ADAMTSL1: variants seen among roughly 807,000 people sequenced by gnomAD.
ADAMTSL1 encodes ADAMTS like 1, also known as ADAMTS-like protein 1.
ADAMTSL1 carries 126 observed loss-of-function variants against 201.8 expected under a neutral mutation model. The ratio of observed to expected loss-of-function variants is 0.62; its 90% CI spans 0.54 to 0.72. ADAMTSL1 has a LOEUF of 0.72. ADAMTSL1 is among the 30% of genes least tolerant of loss of function. The pLI is 0.00. For synonymous variants in ADAMTSL1, 1,121 were observed against 903.4 expected, an observed-to-expected ratio of 1.24 and a Z score of -4.32; for missense variants, 2,679 against 2,277.8, an observed-to-expected ratio of 1.18 and a Z score of -3.59.
At chr9:18,016,236 T>C (rs1329931) in intron 1 of ADAMTSL1, among the ~76,000 whole-genome samples, 42,604 of 151,936 alleles carry the variant, frequency 0.28, 6,040 homozygotes, top group South Asian at 0.3. Context: ...AGGACTCAAG[T>C]ATCTGTGAAT....
intron 1 of ADAMTSL1, among the ~76,000 whole-genome samples, chr9:18,159,285 C>A (rs1291050729): frequency 1.3e-5 from 2 of 151,972 alleles, no homozygotes; most frequent in Non-Finnish European, 2.9e-5. Flanking sequence ...CACTACTCTT[C>A]CTAAGTAATG....
At chr9:18,547,808 T>G (rs986837994) in intron 3 of ADAMTSL1, among the ~76,000 whole-genome samples, 2 of 151,774 alleles carry the variant, frequency 1.3e-5, no homozygotes, top group African/African-American at 4.8e-5. Context: ...CATTATGGAT[T>G]AAAACCCAAA....
At chr9:18,887,644 C>G (rs962341202) in intron 23 of ADAMTSL1, among the ~76,000 whole-genome samples, 187 bp from the exon 24 acceptor site, 1 of 152,090 alleles carries the variant, frequency 6.6e-6, no homozygotes, top group African/African-American at 2.4e-5. Flanking sequence ...ATCATAGTCA[C>G]CCTCCTAGAA....
rs186966872 is a variant in ADAMTSL1 at position 18,574,194 on chromosome 9, A to G, written c.402A>G (p.Leu134=). The change falls in exon 4 of 29, where the codon CTA becomes CTG. Residue 134 remains leucine, a synonymous_variant. Transcript: ENST00000380548. ...QAKGTTLVVE[L]APKVLDGTRC... ...AAGGAACAACCCTGGTTGTTGAACT[A>G]GCACCTAAGGTCTTAGATGGTACGC... is the stretch of plus-strand genomic sequence containing the variant. 1.2e-6 allele frequency: 2 copies of G among 1,614,194 alleles called. No individual in the cohort carries two copies. Among genetic ancestry groups the G allele is most frequent in the East Asian group, 2.2e-5 (1 of 44,878 alleles).
At chr9:18,181,087 A>C (rs1587246936) in intron 2 of ADAMTSL1, among the ~76,000 whole-genome samples, 1 of 152,352 alleles carries the variant, frequency 6.6e-6, no homozygotes, top group East Asian at 1.9e-4. Context: ...AGCCATATGT[A>C]GAAAGCTGAA....
At chr9:18,200,658 C>A (rs1481970652) in intron 2 of ADAMTSL1, among the ~76,000 whole-genome samples, 3 of 151,792 alleles carry the variant, frequency 2.0e-5, no homozygotes, top group Non-Finnish European at 2.9e-5. Flanking sequence ...TTAGGGAAAC[C>A]TTGTGACGTA....
intron 3 of ADAMTSL1, among the ~76,000 whole-genome samples, chr9:18,542,264 G>GA (rs1046007269): frequency 2.0e-5 from 3 of 151,738 alleles, no homozygotes; most frequent in African/African-American, 7.3e-5. Context: ...TTGAAACAAA[G>GA]AAAAAAAATA....
intron 2 of ADAMTSL1, among the ~76,000 whole-genome samples, chr9:18,210,125 A>G (rs1282703903): frequency 6.6e-6 from 1 of 151,952 alleles, no homozygotes; most frequent in East Asian, 1.9e-4. Context: ...TCTTAACATA[A>G]TCACAACCAG....
Position 18,775,901 on chromosome 9 carries a change from G to T in ADAMTSL1, c.2551+5G>T. 1 of 1,586,994 alleles carries T rather than the reference G, an allele frequency of 6.3e-7. No homozygotes were observed. The highest frequency in any genetic ancestry group is 8.6e-7 in the Non-Finnish European group (1 of 1,165,656). On this transcript the variant is annotated splice_donor_5th_base_variant and intron_variant, in intron 18 of 28. Coordinates refer to ENST00000380548, the MANE Select transcript of ADAMTSL1 (RefSeq NM_001040272.6). ...GTATGCTGGCAACCTGTGCAAGTAA[G>T]TATGTCAGGGCTCTGGGAATGGGGA...
chr9:18,501,503 C>CAAAAAA (rs397894789), intron 1 of ADAMTSL1, among the ~76,000 whole-genome samples: 1 of 93,074 alleles, frequency 1.1e-5, no homozygotes, highest in Non-Finnish European at 2.1e-5. Context: ...GACACGGTCT[C>CAAAAAA]AAAAAAAAAA....
Position 18,886,174 on chromosome 9 carries a change from A to G in ADAMTSL1, c.4250-1657A>G, listed in dbSNP as rs1239244688. ...CATGTGAGTGTGTATGTGTATATAT[A>G]TATATATATATATATATATATATAT... On this transcript the variant is annotated intron_variant, in intron 23 of 28. Transcript: ENST00000380548. Among the ~76,000 whole-genome samples the G allele has an allele frequency of 9.1e-3, 824 of 90,428 alleles. 14 individuals carry two copies. Among genetic ancestry groups the G allele is most frequent in the African/African-American group, 0.013 (172 of 13,080 alleles). The allele number at this position is 90,428 out of a possible 152,430, so 59.3% of individuals were successfully genotyped here.
chr9:18,607,295 C>G (rs1037738866), intron 4 of ADAMTSL1, among the ~76,000 whole-genome samples: 2 of 152,136 alleles, frequency 1.3e-5, no homozygotes, highest in African/African-American at 2.4e-5. Context: ...AGCCCGAAGT[C>G]TAGGTCAACA....
chr9:18,487,797 G>T (rs1469751673), intron 1 of ADAMTSL1, among the ~76,000 whole-genome samples: 4 of 152,102 alleles, frequency 2.6e-5, no homozygotes, highest in Non-Finnish European at 5.9e-5. Flanking sequence ...TATGTTTTTG[G>T]CCTTGGTTAG....
rs754015188 is a variant in ADAMTSL1 at position 18,636,008 on chromosome 9, G to T, written c.667G>T (p.Asp223Tyr). Residue 223 changes from aspartate (D) to tyrosine (Y), a missense_variant, in exon 6 of 29, where the codon GAT becomes TAT. Coordinates refer to ENST00000380548, the MANE Select transcript of ADAMTSL1 (RefSeq NM_001040272.6). ...RHIRLVLKGPDHLYLETKTLQ... is the reference protein window; with the variant it reads ...RHIRLVLKGPYHLYLETKTLQ... ...TATTCGCCTTGTCTTAAAAGGTCCT[G>T]ATCACTTATGTAAGTAACTCCATTG... is the stretch of plus-strand genomic sequence containing the variant. 4 of 1,594,472 alleles carry T rather than the reference G, an allele frequency of 2.5e-6. No homozygotes were observed. The highest frequency in any genetic ancestry group is 3.7e-5 in the Admixed American group (2 of 53,594).
At chr9:18,254,587 T>A (rs925113894) in intron 2 of ADAMTSL1, among the ~76,000 whole-genome samples, 2 of 151,592 alleles carry the variant, frequency 1.3e-5, no homozygotes, top group Non-Finnish European at 2.9e-5. Flanking sequence ...ATGGTCTCGA[T>A]CTCCTGACTT....
chr9:18,146,417 G>C (rs575215851), intron 1 of ADAMTSL1, among the ~76,000 whole-genome samples: 23 of 152,200 alleles, frequency 1.5e-4, no homozygotes, highest in African/African-American at 5.3e-4. Flanking sequence ...GCCATGCAAA[G>C]GTATTGATGA....
At chr9:18,035,099 T>C (rs56338618) in intron 1 of ADAMTSL1, among the ~76,000 whole-genome samples, 9,465 of 152,274 alleles carry the variant, frequency 0.062, 352 homozygotes, top group Admixed American at 0.09. Context: ...GATATTTTAA[T>C]AATTAAAATT....
At chr9:18,025,153 G>A (rs535681740) in intron 1 of ADAMTSL1, among the ~76,000 whole-genome samples, 1 of 151,944 alleles carries the variant, frequency 6.6e-6, no homozygotes, top group South Asian at 2.1e-4. Flanking sequence ...ATGGATCCTG[G>A]CTATTAGACC....
chr9:18,504,927 C>T lies in ADAMTSL1; in HGVS notation c.162C>T (p.Ser54=), dbSNP rs1394622636. Residue 54 remains serine (S), a synonymous_variant, in exon 2 of 29, where the codon TCC becomes TCT. Coordinates refer to ENST00000380548, the MANE Select transcript of ADAMTSL1 (RefSeq NM_001040272.6). ...ECSRTCGGGA[S]YSLRRCLSSK... is the part of the protein sequence containing the mutation. The stretch of plus-strand genomic sequence containing the variant: ...CACGCACCTGCGGGGGTGGGGCCTC[C>T]TACTCTCTGAGGCGCTGCCTGAGCA... 7.4e-6 allele frequency: 12 copies of T among 1,611,228 alleles called. No homozygotes were observed. Among genetic ancestry groups the T allele is most frequent in the Non-Finnish European group, 9.3e-6 (11 of 1,179,458 alleles).
Sources: gnomAD v4.1 joint callset for allele counts (sites outside exome capture counted in the v4.1 genomes callset) on GRCh38, gnomAD v4.1.1 for gene constraint, MANE v1.5 for transcripts, NCBI Gene and HGNC (gene_info 2026-07-23, HGNC 2026-07-21) for gene names.